FHOD3: variants seen among roughly 807,000 people sequenced by gnomAD.
FHOD3 encodes the protein FH1/FH2 domain-containing protein 3.
A neutral mutation model predicts 173.0 loss-of-function variants in FHOD3; 90 were observed. The observed-to-expected ratio is 0.52, with a 90% CI of 0.44 to 0.62. The LOEUF (loss-of-function observed/expected upper bound fraction) is 0.62, where lower values mean the gene tolerates loss of function less well. FHOD3 is among the 20% of genes least tolerant of loss of function. FHOD3 has a pLI of 0.00. For missense variants in FHOD3, 1,945 were observed against 2,034.7 expected (o/e 0.96, Z 0.85); for synonymous variants, 828 against 823.0 (o/e 1.01, Z -0.10).
At chr18:36,624,912 A>C (rs969347695) in intron 9 of FHOD3, among the ~76,000 whole-genome samples, 1 of 152,210 alleles carries the variant, frequency 6.6e-6, no homozygotes, top group Non-Finnish European at 1.5e-5. Flanking sequence ...CCAAATCCTG[A>C]ACCAGGCTGC....
intron 5 of FHOD3, among the ~76,000 whole-genome samples, chr18:36,570,075 G>T (rs571150746): frequency 6.6e-6 from 1 of 151,884 alleles, no homozygotes; most frequent in Non-Finnish European, 1.5e-5. Flanking sequence ...GAAGTTGAAA[G>T]CGGAGAAAAA....
At chr18:36,446,369 T>C (rs1450804903) in intron 3 of FHOD3, among the ~76,000 whole-genome samples, 11 of 151,396 alleles carry the variant, frequency 7.3e-5, no homozygotes, top group African/African-American at 2.4e-4. Context: ...TTTAGATCTA[T>C]GTATTAATTT....
chr18:36,344,373 G>T (rs2045780137), intron 1 of FHOD3, among the ~76,000 whole-genome samples: 1 of 152,072 alleles, frequency 6.6e-6, no homozygotes, highest in Admixed American at 6.5e-5. Flanking sequence ...GGCACAGTGG[G>T]ACACACCTGT....
At chr18:36,575,439 T>C (rs1343595475) in intron 5 of FHOD3, among the ~76,000 whole-genome samples, 2 of 152,246 alleles carry the variant, frequency 1.3e-5, no homozygotes, top group East Asian at 1.9e-4. Flanking sequence ...ACTTTGTGTG[T>C]GTTTGTAATG....
intron 17 of FHOD3, among the ~76,000 whole-genome samples, chr18:36,701,286 G>A (rs570435711): frequency 1.3e-5 from 2 of 152,248 alleles, no homozygotes; most frequent in African/African-American, 4.8e-5. Flanking sequence ...AATGATGTTG[G>A]TATAATTAAT....
At chr18:36,441,649 G>A (rs2051160041) in intron 3 of FHOD3, among the ~76,000 whole-genome samples, 1 of 152,128 alleles carries the variant, frequency 6.6e-6, no homozygotes. Context: ...GAGATGATAT[G>A]CTGGGAAACC....
intron 5 of FHOD3, among the ~76,000 whole-genome samples, chr18:36,550,280 G>T (rs2057595672): frequency 2.4e-5 from 3 of 126,984 alleles, no homozygotes; most frequent in South Asian, 4.9e-4. Flanking sequence ...GTCTGTTTCT[G>T]AACTTTTCAT....
At chr18:36,702,439 T>C (rs2039641819) in intron 17 of FHOD3, among the ~76,000 whole-genome samples, 1 of 152,234 alleles carries the variant, frequency 6.6e-6, no homozygotes, top group African/African-American at 2.4e-5. Flanking sequence ...TAAGCTTTTT[T>C]CTCTTGGGAC....
intron 3 of FHOD3, among the ~76,000 whole-genome samples, chr18:36,398,917 G>A (rs2048677224): frequency 6.6e-6 from 1 of 152,198 alleles, no homozygotes. Flanking sequence ...TGTGTGGCAT[G>A]TGGGAAGGCT....
At chr18:36,649,865 A>G (rs909723963) in intron 11 of FHOD3, among the ~76,000 whole-genome samples, 2 of 152,178 alleles carry the variant, frequency 1.3e-5, no homozygotes, top group African/African-American at 2.4e-5. Flanking sequence ...TTTGTTTTAT[A>G]TCCAAACAGG....
At chr18:36,741,223 A>C (rs926026952) in intron 21 of FHOD3, among the ~76,000 whole-genome samples, 2 of 152,182 alleles carry the variant, frequency 1.3e-5, no homozygotes, top group Non-Finnish European at 2.9e-5. Context: ...TGATTGTGGC[A>C]ATTAGCAGGT....
chr18:36,709,648 A>T (rs903967469), intron 18 of FHOD3: 1 of 457,072 alleles, frequency 2.2e-6, no homozygotes, highest in East Asian at 3.5e-5. Context: ...ACCTGGGGAA[A>T]AGGGCCCCGA....
chr18:36,482,842 C>CAT (rs1309967995), intron 3 of FHOD3, among the ~76,000 whole-genome samples: 1 of 79,360 alleles, frequency 1.3e-5, no homozygotes, highest in African/African-American at 5.0e-5. Flanking sequence ...CACACACACA[C>CAT]ACACTCACAC....
intron 3 of FHOD3, among the ~76,000 whole-genome samples, chr18:36,456,365 C>T (rs1008387782): frequency 2.0e-5 from 3 of 152,002 alleles, no homozygotes; most frequent in Non-Finnish European, 4.4e-5. Context: ...ATCAGCAGCA[C>T]CATCTTAGGG....
At chr18:36,686,994 G>C in intron 15 of FHOD3, 134 bp from the exon 16 acceptor site, 1 of 603,718 alleles carries the variant, frequency 1.7e-6, no homozygotes, top group Non-Finnish European at 2.9e-6. Flanking sequence ...TAAAAATTCA[G>C]CTACAACCAT....
intron 19 of FHOD3, among the ~76,000 whole-genome samples, chr18:36,722,041 G>A (rs776270483): frequency 5.9e-5 from 9 of 152,160 alleles, no homozygotes; most frequent in East Asian, 1.9e-4. Context: ...GAAAAGATGC[G>A]ATTTTTAATT....
chr18:36,755,397 CTTTTTTTTTTTTTTTTTT>C (rs200164880), intron 25 of FHOD3, 86 bp downstream of exon 25: 2 of 212,612 alleles, frequency 9.4e-6, no homozygotes, highest in African/African-American at 3.2e-5. Flanking sequence ...AAAAGCTGTG[CTTTTTTTTTTTTTTTTTT>C]TTTTTTTTTT....
chr18:36,416,125 C>T (rs556578375), intron 3 of FHOD3, among the ~76,000 whole-genome samples: 8 of 152,240 alleles, frequency 5.3e-5, no homozygotes, highest in Admixed American at 3.3e-4. Flanking sequence ...CTCTGCCTCC[C>T]GGGTTCAAGC....
chr18:36,774,562 A>C (rs755203151), intron 28 of FHOD3, among the ~76,000 whole-genome samples: 1 of 152,170 alleles, frequency 6.6e-6, no homozygotes, highest in South Asian at 2.1e-4. Context: ...ACTCTTGCTC[A>C]GTGTGTCTGG....
Sources: allele counts gnomAD v4.1 joint callset (sites outside exome capture counted in the v4.1 genomes callset), GRCh38; gene constraint gnomAD v4.1.1; transcripts MANE v1.5; gene names NCBI Gene and HGNC (gene_info 2026-07-23, HGNC 2026-07-21).